P4HTM: variants seen among roughly 807,000 people sequenced by gnomAD.
P4HTM encodes the protein prolyl 4-hydroxylase, transmembrane, also known as transmembrane prolyl 4-hydroxylase.
Under a neutral mutation model 55.3 loss-of-function variants are expected in P4HTM, and 33 were observed. The observed-to-expected ratio is 0.60, with a 90% CI of 0.45 to 0.80. The LOEUF is 0.80. P4HTM is among the 30% of genes least tolerant of loss of function. P4HTM has a pLI of 0.00. For synonymous variants in P4HTM, 272 were observed against 286.4 expected, an observed-to-expected ratio of 0.95 and a Z score of 0.51; for missense variants, 542 against 696.5, an observed-to-expected ratio of 0.78 and a Z score of 2.50.
chr3:49,001,687 GTGGCCAGGTCACT>G, intron 3 of P4HTM, 59 bp downstream of exon 3: 1 of 1,458,778 alleles, frequency 6.9e-7, no homozygotes, highest in African/African-American at 1.4e-5. Context: ...CACCTTTCTG[GTGGCCAGGTCACT>G]TGTCCAGCCC....
chr3:49,004,542 C>T (rs937089155), intron 5 of P4HTM: 4 of 552,094 alleles, frequency 7.2e-6, no homozygotes, highest in East Asian at 3.0e-5. Context: ...TATCTGACCC[C>T]GTCACAGCAG....
Position 49,006,047 on chromosome 3 carries a change from C to G in P4HTM, c.1165-17C>G, listed in dbSNP as rs546993167. ...AGTGGGGACAGGTTGAACACCCCAC[C>G]ACCCTGCTGCCCACAGAGTCTGATT... On this transcript the variant is annotated splice_polypyrimidine_tract_variant and intron_variant, in intron 7 of 8. Coordinates refer to ENST00000383729, the MANE Select transcript of P4HTM (RefSeq NM_177939.3). The G allele has an allele frequency of 6.2e-7, 1 of 1,607,432 alleles. No individual in the cohort carries two copies. Among genetic ancestry groups the G allele is most frequent in the South Asian group, 1.1e-5 (1 of 90,812 alleles).
chr3:49,001,244 A>C (rs2092960162), intron 2 of P4HTM, 194 bp from the exon 3 acceptor site: 2 of 618,730 alleles, frequency 3.2e-6, no homozygotes, highest in South Asian at 1.8e-5. Context: ...CCACATTTCC[A>C]ACGCCAGCCA....
At position 48,990,635 on chromosome 3, in the gene P4HTM, G is replaced by C. The variant is rs377713100; in HGVS notation, c.354+25G>C. On this transcript the variant is annotated intron_variant, in intron 1 of 8. Transcript: ENST00000383729. The surrounding 1 kb of genome is among the most constrained non-coding windows in gnomAD (Gnocchi z 7.2). Reference sequence around the variant, plus strand: ...GGTGAGGACCTCCCTGCCCCGCCGCGCTCCAGGCCCTGCACGGCTGAGCCC... The same window carrying C: ...GGTGAGGACCTCCCTGCCCCGCCGCCCTCCAGGCCCTGCACGGCTGAGCCC... 13 of 1,529,944 alleles carry C rather than the reference G, an allele frequency of 8.5e-6. 1 individual carries two copies. In the South Asian group the frequency reaches 1.6e-4, roughly 19 times the overall value. 94.8% of individuals were successfully genotyped at this position (1,529,944 alleles called of 1,614,324 possible). A position where few individuals can be genotyped will look rare whatever the true frequency, so the allele number is the denominator to read the frequency against.
intron 5 of P4HTM, 178 bp from the exon 6 acceptor site, chr3:49,004,682 AG>A (rs2092971202): frequency 1.6e-6 from 1 of 634,474 alleles, no homozygotes; most frequent in Non-Finnish European, 2.8e-6. Flanking sequence ...CTGAGGGAGA[AG>A]GATCATCATG....
In P4HTM at chr3:48,990,252, G is replaced by A. The variant is rs1462438577; in HGVS notation, c.-5G>A. ...TCCCCTGGGCGCGCGCGCGACCTGGGTGCCATGGCGGCAGCGGCGGTGACA... is the reference window on the plus strand; with the variant it reads ...TCCCCTGGGCGCGCGCGCGACCTGGATGCCATGGCGGCAGCGGCGGTGACA... On this transcript the variant is annotated 5_prime_UTR_variant, in exon 1 of 9. The change creates a new upstream start codon in the 5' untranslated region. Transcript: ENST00000383729. This position sits in a 1 kb window ranked among gnomAD's most constrained non-coding sequence, Gnocchi z 7.2. 4 of 1,201,826 alleles carry A rather than the reference G, an allele frequency of 3.3e-6. No individual in the cohort carries two copies. The highest frequency in any genetic ancestry group is 4.1e-6 in the Non-Finnish European group (4 of 969,414). The allele number at this position is 1,201,826 out of a possible 1,614,324, so 74.4% of individuals were successfully genotyped here.
chr3:49,005,518 G>C, intron 6 of P4HTM: 1 of 1,346,052 alleles, frequency 7.4e-7, no homozygotes, highest in South Asian at 2.2e-5. Context: ...TTCCCTGCCA[G>C]GCCCTTGCTC....
intron 2 of P4HTM, among the ~76,000 whole-genome samples, chr3:48,995,450 T>G (rs2092942807): frequency 6.6e-6 from 1 of 152,186 alleles, no homozygotes; most frequent in African/African-American, 2.4e-5. Context: ...TCTCAAATGC[T>G]TAGGACTGCT....
At chr3:49,004,608 C>A in intron 5 of P4HTM, 1 of 576,868 alleles carries the variant, frequency 1.7e-6, no homozygotes, top group Non-Finnish European at 3.1e-6. Flanking sequence ...TCAGGACTCC[C>A]CGCCCCCTTT....
intron 5 of P4HTM, 159 bp from the exon 6 acceptor site, chr3:49,004,702 C>T (rs2092971240): frequency 1.5e-6 from 1 of 685,100 alleles, no homozygotes; most frequent in East Asian, 2.5e-5. Context: ...TGAGTAACCC[C>T]CTCCTGCTCT....
At chr3:48,990,179 G>T (rs2092926178), upstream of P4HTM, 1 of 1,088,890 alleles carries the variant, frequency 9.2e-7, no homozygotes, top group Non-Finnish European at 1.1e-6. The surrounding 1 kb of genome is among the most constrained non-coding windows in gnomAD (Gnocchi z 7.2). Context: ...CGCGGGCCTG[G>T]CGGCCGTTGT....
Position 49,004,819 on chromosome 3 carries a change from C to T in P4HTM, c.888-42C>T, listed in dbSNP as rs990705379. On this transcript the variant is annotated intron_variant, in intron 5 of 8. Coordinates refer to ENST00000383729, the MANE Select transcript of P4HTM (RefSeq NM_177939.3). ...CTTGGCCAGCTCCTTCAGATCACCA[C>T]CTTGCCTGGGGCTGCCCAGCCAAAT... 3.2e-6 allele frequency: 5 copies of T among 1,569,780 alleles called. No homozygotes were observed. In the Middle Eastern group the frequency reaches 7.7e-4, roughly 240 times the overall value.
chr3:48,994,333 G>A (rs140064972), intron 2 of P4HTM, among the ~76,000 whole-genome samples: 30 of 152,214 alleles, frequency 2.0e-4, no homozygotes, highest in Non-Finnish European at 4.1e-4. Flanking sequence ...ACCTGGGATC[G>A]AAGAGTGGAT....
chr3:49,002,069 C>G lies in P4HTM; in HGVS notation c.628-431C>G, dbSNP rs1214080399. Among the ~76,000 whole-genome samples, 1 of 152,190 alleles carries G rather than the reference C, an allele frequency of 6.6e-6. No homozygotes were observed. Among genetic ancestry groups the G allele is most frequent in the African/African-American group, 2.4e-5 (1 of 41,438 alleles). Reference sequence around the variant, plus strand: ...CAGGGTGGTGGTGCGGGGCACTGCCCACACAGAACACCCCACTGAGCCTGG... The same window carrying G: ...CAGGGTGGTGGTGCGGGGCACTGCCGACACAGAACACCCCACTGAGCCTGG... On this transcript the variant is annotated intron_variant, in intron 3 of 8. Transcript: ENST00000383729. This position sits in a 1 kb window ranked among gnomAD's most constrained non-coding sequence, Gnocchi z 4.4.
At position 48,999,070 on chromosome 3, in the gene P4HTM, C is replaced by A. The variant is rs1278312555; in HGVS notation, c.437-2368C>A. Among the ~76,000 whole-genome samples the A allele has an allele frequency of 6.6e-6, 1 of 152,176 alleles. No homozygotes were observed. The highest frequency in any genetic ancestry group is 1.5e-5 in the Non-Finnish European group (1 of 68,024). On this transcript the variant is annotated intron_variant, in intron 2 of 8. Coordinates refer to ENST00000383729, the MANE Select transcript of P4HTM (RefSeq NM_177939.3). The surrounding 1 kb of genome is among the most constrained non-coding windows in gnomAD (Gnocchi z 4.8). ...ATTGATGGTCTCCTGCCTAAGGGCA[C>A]CTGGTTCCCTCTGTCTGGAACACTC...
chr3:49,003,137 T>C, intron 4 of P4HTM: 1 of 246,074 alleles, frequency 4.1e-6, no homozygotes, highest in Non-Finnish European at 8.1e-6. Flanking sequence ...GAAGCTGTCA[T>C]GCAAGTGGTG....
In P4HTM at chr3:49,007,112, TCGAGCCGCCGGGCCCGACAAACTC is replaced by T; in HGVS notation, c.*208_*231del. 1 of 686,880 alleles carries T rather than the reference TCGAGCCGCCGGGCCCGACAAACTC, an allele frequency of 1.5e-6. No homozygotes were observed. The highest frequency in any genetic ancestry group is 1.8e-5 in the African/African-American group (1 of 55,548). The allele number at this position is 686,880 out of a possible 1,614,324, so 42.5% of individuals were successfully genotyped here. The stretch of plus-strand genomic sequence containing the variant: ...CCCGTCAAATAAAAAACCACAAGGT[TCGAGCCGCCGGGCCCGACAAACTC>T]CGGGTCGGCGAAACAGAGTCCGCGA... On this transcript the variant is annotated 3_prime_UTR_variant, in exon 9 of 9. Transcript: ENST00000383729. The surrounding 1 kb of genome is among the most constrained non-coding windows in gnomAD (Gnocchi z 5.1).
chr3:49,003,891 C>T, intron 4 of P4HTM: 1 of 538,050 alleles, frequency 1.9e-6, no homozygotes, highest in Non-Finnish European at 3.3e-6. Context: ...AGAAAAGGAA[C>T]TGCTCTGGGT....
intron 2 of P4HTM, chr3:48,991,254 A>C (rs2092930452): frequency 4.3e-6 from 1 of 231,058 alleles, no homozygotes; most frequent in Non-Finnish European, 8.5e-6. Context: ...CTTTCTGCCG[A>C]CCTCAGGACC....
Sources: allele counts gnomAD v4.1 joint callset (sites outside exome capture counted in the v4.1 genomes callset), GRCh38; gene constraint gnomAD v4.1.1; non-coding constraint Gnocchi (gnomAD v3.1); transcripts MANE v1.5; gene names NCBI Gene and HGNC (gene_info 2026-07-23, HGNC 2026-07-21).